The following OLFM3 variants were observed in gnomAD, a reference collection of about 807,000 sequenced individuals.
The protein encoded by OLFM3 is olfactomedin 3.
OLFM3 carries 20 observed loss-of-function variants against 48.6 expected under a neutral mutation model. The ratio of observed to expected loss-of-function variants is 0.41; its 90% CI spans 0.29 to 0.60. The LOEUF is 0.60. OLFM3 is among the 20% of genes least tolerant of loss of function. The pLI is 0.28. For synonymous variants in OLFM3, 222 were observed against 198.1 expected (o/e 1.12, Z -1.01); for missense variants, 437 against 544.3 (o/e 0.80, Z 1.96).
chr1:101,914,728 G>A (rs745627153), intron 1 of OLFM3, among the ~76,000 whole-genome samples: 25 of 152,072 alleles, frequency 1.6e-4, no homozygotes, highest in Non-Finnish European at 2.2e-4. Context: ...GCCTGCATGC[G>A]GCTCTTTCCA....
At chr1:101,890,294 A>T (rs1539091) in intron 1 of OLFM3, among the ~76,000 whole-genome samples, 29,029 of 151,908 alleles carry the variant, frequency 0.19, 2,970 homozygotes, top group Middle Eastern at 0.24. Context: ...TGAAAAAAGG[A>T]AGATAATCTT....
intron 1 of OLFM3, among the ~76,000 whole-genome samples, chr1:101,949,440 T>A (rs1409240608): frequency 6.6e-6 from 1 of 152,156 alleles, no homozygotes; most frequent in Non-Finnish European, 1.5e-5. Flanking sequence ...TCACGGTAGG[T>A]CAGCAAATGA....
chr1:101,987,196 T>G (rs184456616), intron 1 of OLFM3, among the ~76,000 whole-genome samples: 29 of 152,366 alleles, frequency 1.9e-4, no homozygotes, highest in African/African-American at 6.7e-4. Context: ...TTCCATTCAC[T>G]TGATTCATTA....
At chr1:101,911,073 T>C (rs531246771) in intron 1 of OLFM3, among the ~76,000 whole-genome samples, 135 of 152,214 alleles carry the variant, frequency 8.9e-4, no homozygotes, top group Non-Finnish European at 1.6e-3. Flanking sequence ...AATTTCGTTA[T>C]TATTTCATGC....
At chr1:101,821,823 G>A (rs1333842031) in intron 4 of OLFM3, among the ~76,000 whole-genome samples, 1 of 152,004 alleles carries the variant, frequency 6.6e-6, no homozygotes, top group African/African-American at 2.4e-5. Flanking sequence ...GTTGAATACC[G>A]ATTTTATTGC....
At chr1:101,935,359 C>A (rs977839498) in intron 1 of OLFM3, among the ~76,000 whole-genome samples, 1 of 150,756 alleles carries the variant, frequency 6.6e-6, no homozygotes, top group Admixed American at 6.6e-5. Context: ...TCTATGCACA[C>A]AACTAGAAAA....
At chr1:101,950,250 T>A (rs1361105581) in intron 1 of OLFM3, among the ~76,000 whole-genome samples, 1 of 152,084 alleles carries the variant, frequency 6.6e-6, no homozygotes, top group African/African-American at 2.4e-5. Flanking sequence ...TTTTACTATC[T>A]CCATCCTGGA....
At chr1:101,845,883 A>G (rs1257330011) in intron 1 of OLFM3, among the ~76,000 whole-genome samples, 2 of 152,246 alleles carry the variant, frequency 1.3e-5, no homozygotes, top group African/African-American at 4.8e-5. Context: ...GATTATTATT[A>G]GTAACAGCAA....
chr1:101,849,870 T>G (rs1656156267), intron 1 of OLFM3, among the ~76,000 whole-genome samples: 1 of 152,108 alleles, frequency 6.6e-6, no homozygotes, highest in Admixed American at 6.6e-5. Flanking sequence ...AAGCATAACT[T>G]TATGAAGAAG....
chr1:101,926,592 T>C (rs1163528635), intron 1 of OLFM3, among the ~76,000 whole-genome samples: 2 of 152,212 alleles, frequency 1.3e-5, no homozygotes, highest in African/African-American at 4.8e-5. Context: ...TTAGCAGATA[T>C]AAGTGAAGTA....
chr1:101,808,532 C>A (rs144185655), intron 4 of OLFM3, among the ~76,000 whole-genome samples: 2 of 151,838 alleles, frequency 1.3e-5, no homozygotes, highest in East Asian at 1.9e-4. Flanking sequence ...TTAAACCATG[C>A]CTTAAGAGCA....
intron 1 of OLFM3, among the ~76,000 whole-genome samples, chr1:101,939,701 T>C (rs934221738): frequency 2.6e-5 from 4 of 152,112 alleles, no homozygotes; most frequent in Non-Finnish European, 5.9e-5. Context: ...ATTGAGGACA[T>C]TGAGGAAAAA....
intron 1 of OLFM3, among the ~76,000 whole-genome samples, chr1:101,962,648 T>A (rs1482904447): frequency 6.6e-6 from 1 of 152,006 alleles, no homozygotes; most frequent in Admixed American, 6.6e-5. Flanking sequence ...AAAACAAACA[T>A]AGTCTTGATT....
At chr1:101,955,156 A>G (rs1396527910) in intron 1 of OLFM3, among the ~76,000 whole-genome samples, 1 of 151,998 alleles carries the variant, frequency 6.6e-6, no homozygotes, top group Non-Finnish European at 1.5e-5. Flanking sequence ...TGGTACCTAT[A>G]TCGTCATTGG....
chr1:101,889,048 T>C (rs899620618), intron 1 of OLFM3, among the ~76,000 whole-genome samples: 24 of 152,328 alleles, frequency 1.6e-4, no homozygotes, highest in East Asian at 1.4e-3. Context: ...TTTTTCACTG[T>C]TGGTGGGACT....
intron 1 of OLFM3, among the ~76,000 whole-genome samples, chr1:101,982,284 A>G (rs1017275283): frequency 6.6e-6 from 1 of 152,194 alleles, no homozygotes; most frequent in East Asian, 1.9e-4. Flanking sequence ...AGAGACAATC[A>G]CAATGAAATC....
rs554863567 is a variant in OLFM3 at position 101,860,394 on chromosome 1, G to A, written c.70-23369C>T. Among the ~76,000 whole-genome samples the A allele has an allele frequency of 1.1e-3, 167 of 152,102 alleles. 3 individuals carry two copies. Among genetic ancestry groups the A allele is most frequent in the African/African-American group, 3.9e-3 (163 of 41,454 alleles). ...TGAATAACAGTCTTAATTCATATATGTGTGTGTTTATGCAATTATTTTAAC... is the reference window on the plus strand; with the variant it reads ...TGAATAACAGTCTTAATTCATATATATGTGTGTTTATGCAATTATTTTAAC... On this transcript the variant is annotated intron_variant, in intron 1 of 5. Coordinates refer to ENST00000370103, the MANE Select transcript of OLFM3 (RefSeq NM_058170.4).
chr1:101,964,618 G>T (rs964049971), intron 1 of OLFM3, among the ~76,000 whole-genome samples: 3 of 152,068 alleles, frequency 2.0e-5, no homozygotes, highest in African/African-American at 7.2e-5. Flanking sequence ...GGAAAAAAAA[G>T]AAATTATTGT....
intron 1 of OLFM3, among the ~76,000 whole-genome samples, chr1:101,948,693 T>C (rs1290548364): frequency 3.3e-5 from 5 of 152,106 alleles, no homozygotes; most frequent in South Asian, 4.1e-4. Context: ...TTGCATCAAA[T>C]TGGGTACTAA....
Sources: gnomAD v4.1 joint callset for allele counts (sites outside exome capture counted in the v4.1 genomes callset) on GRCh38, gnomAD v4.1.1 for gene constraint, MANE v1.5 for transcripts, NCBI Gene and HGNC (gene_info 2026-07-23, HGNC 2026-07-21) for gene names.